Variants in LIMS2 observed in about 807,000 individuals in gnomAD.
LIMS2 encodes the protein LIM and senescent cell antigen-like-containing domain protein 2.
A neutral mutation model predicts 45.3 loss-of-function variants in LIMS2; 30 were observed. The observed-to-expected ratio is 0.66, with a 90% CI of 0.50 to 0.90. The LOEUF is 0.90. Ranked by LOEUF, LIMS2 falls within the 40% of genes least tolerant of loss-of-function variation. The pLI is 0.00. For missense variants in LIMS2, 485 were observed against 468.7 expected (o/e 1.03, Z -0.32); for synonymous variants, 173 against 188.0 (o/e 0.92, Z 0.65).
rs887082163 is a variant in LIMS2, at chr2:127,664,389, G to A, written c.12-6827C>T. ...CCAGCGCACCCAGCCGGGCCGCCAT[G>A]GCGCGGGGCAGCCGCCTTGAGGTCG... On this transcript the variant is annotated intron_variant, in intron 1 of 9. Coordinates refer to ENST00000355119, the MANE Select transcript of LIMS2 (RefSeq NM_001161403.3). The surrounding 1 kb of genome is among the most constrained non-coding windows in gnomAD (Gnocchi z 5.5). 2 of 1,206,906 alleles carry A rather than the reference G, an allele frequency of 1.7e-6. No homozygotes were observed. The highest frequency in any genetic ancestry group is 4.2e-5 in the South Asian group (1 of 24,062). 74.8% of individuals were successfully genotyped at this position (1,206,906 alleles called of 1,614,324 possible). A position where few individuals can be genotyped will look rare whatever the true frequency, so the allele number is the denominator to read the frequency against.
intron 4 of LIMS2, chr2:127,651,040 T>C (rs1329413553): frequency 6.2e-7 from 1 of 1,613,678 alleles, no homozygotes; most frequent in East Asian, 2.2e-5. Context: ...TTTGGGGAAA[T>C]CGCATGCCGT....
At position 127,671,851 on chromosome 2, in the gene LIMS2, T is replaced by G. The variant is rs1315342853; in HGVS notation, c.11+3163A>C. 6.6e-6 allele frequency among the ~76,000 whole-genome samples: 1 copy of G among 152,188 alleles called. No homozygotes were observed. On this transcript the variant is annotated intron_variant, in intron 1 of 9. Coordinates refer to ENST00000355119, the MANE Select transcript of LIMS2 (RefSeq NM_001161403.3). The surrounding 1 kb of genome is among the most constrained non-coding windows in gnomAD (Gnocchi z 4.1). Reference sequence around the variant, plus strand: ...CATCACTTGTTACCCACTTTACAGTTTGCTTAAGCCCCTGACGCCACTGCA... The same window carrying G: ...CATCACTTGTTACCCACTTTACAGTGTGCTTAAGCCCCTGACGCCACTGCA...
intron 4 of LIMS2, chr2:127,651,186 G>A (rs1252648565): frequency 6.2e-7 from 1 of 1,611,778 alleles, no homozygotes; most frequent in Non-Finnish European, 8.5e-7. Context: ...CGCACACCTG[G>A]CCTGTGCCTT....
chr2:127,648,893 T>C (rs1357478571), intron 4 of LIMS2, among the ~76,000 whole-genome samples: 1 of 143,578 alleles, frequency 7.0e-6, no homozygotes, highest in Non-Finnish European at 1.5e-5. Flanking sequence ...CACTCCAGCC[T>C]GGGTGACAGA....
Position 127,664,517 on chromosome 2 carries a change from C to G in LIMS2, c.12-6955G>C. 2 of 1,153,590 alleles carry G rather than the reference C, an allele frequency of 1.7e-6. No individual in the cohort carries two copies. Among genetic ancestry groups the G allele is most frequent in the Non-Finnish European group, 2.1e-6 (2 of 938,172 alleles). The allele number at this position is 1,153,590 out of a possible 1,614,324, so 71.5% of individuals were successfully genotyped here. A position where few individuals can be genotyped will look rare whatever the true frequency, so the allele number is the denominator to read the frequency against. ...GACGGGACGGGCGTGTGGGCGCCTC[C>G]CCCGCGCTGGTCGCGAGCTCACGTT... On this transcript the variant is annotated intron_variant, in intron 1 of 9. Transcript: ENST00000355119. This position sits in a 1 kb window ranked among gnomAD's most constrained non-coding sequence, Gnocchi z 5.5.
At position 127,644,067 on chromosome 2, in the gene LIMS2, A is replaced by C. The variant is rs556081759; in HGVS notation, c.360-995T>G. 113 of 456,504 alleles carry C rather than the reference A, an allele frequency of 2.5e-4. 1 individual carries two copies. The highest frequency in any genetic ancestry group is 2.0e-3 in the Admixed American group (87 of 42,566). 28.3% of individuals were successfully genotyped at this position (456,504 alleles called of 1,614,324 possible). A position where few individuals can be genotyped will look rare whatever the true frequency, so the allele number is the denominator to read the frequency against. On this transcript the variant is annotated intron_variant, in intron 4 of 9. Transcript: ENST00000355119. Reference sequence around the variant, plus strand: ...TCAGCATCCCTCCCTGGACCCCAGGACCTGCTACTGCTGGGTGTCTGGACT... The same window carrying C: ...TCAGCATCCCTCCCTGGACCCCAGGCCCTGCTACTGCTGGGTGTCTGGACT...
rs1683999805 is a variant in LIMS2 at position 127,653,428 on chromosome 2, G to A, written c.359+996C>T. Reference sequence around the variant, plus strand: ...TGGACACCAAGTGGAGGTGACATGTGGGCAGCTGAGGACAGCGAGAGAGAG... The same window carrying A: ...TGGACACCAAGTGGAGGTGACATGTAGGCAGCTGAGGACAGCGAGAGAGAG... On this transcript the variant is annotated intron_variant, in intron 4 of 9. Transcript: ENST00000355119. This position sits in a 1 kb window ranked among gnomAD's most constrained non-coding sequence, Gnocchi z 5.3. 6.6e-6 allele frequency among the ~76,000 whole-genome samples: 1 copy of A among 152,206 alleles called. No homozygotes were observed. Among genetic ancestry groups the A allele is most frequent in the Non-Finnish European group, 1.5e-5 (1 of 68,034 alleles).
At chr2:127,644,054 C>T (rs1210551497) in intron 4 of LIMS2, 1 of 456,530 alleles carries the variant, frequency 2.2e-6, no homozygotes, top group Non-Finnish European at 4.4e-6. Context: ...AGCATCCCTC[C>T]CTGGACCCCA....
At chr2:127,645,559 G>A (rs1215568964) in intron 4 of LIMS2, among the ~76,000 whole-genome samples, 1 of 152,228 alleles carries the variant, frequency 6.6e-6, no homozygotes, top group Non-Finnish European at 1.5e-5. Flanking sequence ...GAGCTGAGCC[G>A]CATCCTCACG....
At chr2:127,657,048 G>C (rs999311193) in intron 2 of LIMS2, among the ~76,000 whole-genome samples, 10 of 152,168 alleles carry the variant, frequency 6.6e-5, no homozygotes, top group African/African-American at 2.2e-4. Flanking sequence ...CGGGAACCCT[G>C]ACCCCCAGGG....
chr2:127,653,765 G>C lies in LIMS2; in HGVS notation c.359+659C>G, dbSNP rs919072090. On this transcript the variant is annotated intron_variant, in intron 4 of 9. Transcript: ENST00000355119. This position sits in a 1 kb window ranked among gnomAD's most constrained non-coding sequence, Gnocchi z 5.3. The stretch of plus-strand genomic sequence containing the variant: ...GATGAGGCCAGGGTAGCACACGCGA[G>C]GGGCAGCGGGTGTGCTGGGAGAAGC... Among the ~76,000 whole-genome samples, 14 of 152,228 alleles carry C rather than the reference G, an allele frequency of 9.2e-5. No homozygotes were observed. The highest frequency in any genetic ancestry group is 3.4e-4 in the African/African-American group (14 of 41,530).
At position 127,640,945 on chromosome 2, in the gene LIMS2, C is replaced by A; in HGVS notation, c.704G>T (p.Arg235Leu). 6.2e-7 allele frequency: 1 copy of A among 1,613,966 alleles called. No homozygotes were observed. Among genetic ancestry groups the A allele is most frequent in the Non-Finnish European group, 8.5e-7 (1 of 1,179,932 alleles). ...AKCEKPFLGH[R>L]HYEKKGLAYC... is the part of the protein sequence containing the mutation. The stretch of plus-strand genomic sequence containing the variant: ...GGCCAGGCCCTTCTTCTCATAGTGC[C>A]GGTGCCCCAGGAATGGCTTCTCACA... The change falls in exon 7 of 10, where the codon CGG (arginine) becomes CTG (leucine). Residue 235 changes from arginine (R) to leucine (L), a missense_variant. Arg to Leu is a moderately radical substitution (Grantham distance 102). Transcript: ENST00000355119.
intron 4 of LIMS2, among the ~76,000 whole-genome samples, chr2:127,644,644 T>C (rs60930670): frequency 0.046 from 7,052 of 152,322 alleles, 199 homozygotes; most frequent in African/African-American, 0.076. Context: ...CGAGGAATTA[T>C]TTCTGTCTCA....
chr2:127,680,610 T>C (rs974144623), intron 1 of LIMS2, among the ~76,000 whole-genome samples: 1 of 152,186 alleles, frequency 6.6e-6, no homozygotes, highest in African/African-American at 2.4e-5. Context: ...GATCCACAAT[T>C]CTCTCAACAT....
chr2:127,640,406 G>A (rs753582953), intron 7 of LIMS2, 88 bp from the exon 8 acceptor site: 107 of 1,410,186 alleles, frequency 7.6e-5, no homozygotes, highest in East Asian at 1.2e-4. Flanking sequence ...CCTCCAACAC[G>A]GCCCCTCTCA....
At chr2:127,673,826 G>C in intron 1 of LIMS2, 1 of 1,289,664 alleles carries the variant, frequency 7.8e-7, no homozygotes, top group East Asian at 2.5e-5. Context: ...GAACCCTAGG[G>C]GGTGACCACA....
chr2:127,666,739 T>G (rs1019651057), intron 1 of LIMS2, among the ~76,000 whole-genome samples: 2 of 152,100 alleles, frequency 1.3e-5, no homozygotes, highest in African/African-American at 4.8e-5. Context: ...CTCAGGAAAC[T>G]TATAGTCGTG....
At position 127,666,540 on chromosome 2, in the gene LIMS2, A is replaced by G. The variant is rs1446136249; in HGVS notation, c.11+8474T>C. Reference sequence around the variant, plus strand: ...GAATATTATGAACAACTGTATGCCAATAAATGAAATAACCTACTGAAATGG... The same window carrying G: ...GAATATTATGAACAACTGTATGCCAGTAAATGAAATAACCTACTGAAATGG... On this transcript the variant is annotated intron_variant, in intron 1 of 9. Transcript: ENST00000355119. 2.0e-5 allele frequency among the ~76,000 whole-genome samples: 3 copies of G among 152,352 alleles called. No individual in the cohort carries two copies. In the South Asian group the frequency reaches 6.2e-4, roughly 32 times the overall value.
chr2:127,641,896 C>T, intron 6 of LIMS2, 153 bp downstream of exon 6: 2 of 879,730 alleles, frequency 2.3e-6, no homozygotes, highest in South Asian at 2.1e-5. Context: ...CCTGGCTGAG[C>T]ACAGGGAGGG....
Sources: allele counts gnomAD v4.1 joint callset (sites outside exome capture counted in the v4.1 genomes callset), GRCh38; gene constraint gnomAD v4.1.1; non-coding constraint Gnocchi (gnomAD v3.1); transcripts MANE v1.5; gene names NCBI Gene and HGNC (gene_info 2026-07-23, HGNC 2026-07-21).